Variants in AFF3 observed in about 807,000 individuals in gnomAD.
AFF3 encodes the protein ALF transcription elongation factor 3.
A neutral mutation model predicts 129.7 loss-of-function variants in AFF3; 32 were observed. The ratio of observed to expected loss-of-function variants is 0.25; its 90% CI spans 0.19 to 0.33. The LOEUF (loss-of-function observed/expected upper bound fraction) is 0.33. Among genes scored for constraint, AFF3 ranks in the 10% least tolerant of loss-of-function variants. The pLI, the probability that AFF3 is intolerant of heterozygous loss-of-function variation, is 1.00. For missense variants in AFF3, 1,373 were observed against 1,592.0 expected (o/e 0.86, Z 2.34); for synonymous variants, 644 against 635.4 (o/e 1.01, Z -0.20).
intron 24 of AFF3, among the ~76,000 whole-genome samples, chr2:99,553,674 G>A (rs901494517): frequency 2.4e-4 from 37 of 151,984 alleles, no homozygotes; most frequent in African/African-American, 8.7e-4. Flanking sequence ...AGTACTTTGG[G>A]AGGCTGAGGC....
chr2:99,829,878 C>A (rs548009606), intron 8 of AFF3, among the ~76,000 whole-genome samples: 1 of 152,264 alleles, frequency 6.6e-6, no homozygotes, highest in African/African-American at 2.4e-5. Context: ...TTGGAACCAA[C>A]CCAAATGCTC....
chr2:99,699,679 C>T (rs1676650268), intron 11 of AFF3, among the ~76,000 whole-genome samples: 1 of 152,156 alleles, frequency 6.6e-6, no homozygotes, highest in African/African-American at 2.4e-5. Context: ...TCTCCCTGTC[C>T]CTCAATTCAC....
chr2:100,119,081 C>T (rs1691846947), intron 2 of AFF3, among the ~76,000 whole-genome samples: 1 of 152,218 alleles, frequency 6.6e-6, no homozygotes, highest in Admixed American at 6.5e-5. Flanking sequence ...GGATTACAGA[C>T]GTGAGCCACC....
chr2:99,841,293 T>C (rs1689300140), intron 7 of AFF3, among the ~76,000 whole-genome samples: 1 of 152,210 alleles, frequency 6.6e-6, no homozygotes, highest in Non-Finnish European at 1.5e-5. Flanking sequence ...AGATGCCCTA[T>C]TAGATACTTC....
intron 8 of AFF3, among the ~76,000 whole-genome samples, chr2:99,781,464 G>A (rs1181661345): frequency 1.3e-5 from 2 of 152,192 alleles, no homozygotes; most frequent in Admixed American, 1.3e-4. Flanking sequence ...TCTTAGGGCT[G>A]GGTCAGCAAA....
chr2:99,935,311 A>T (rs571292996), intron 7 of AFF3, among the ~76,000 whole-genome samples: 63 of 152,172 alleles, frequency 4.1e-4, no homozygotes, highest in Non-Finnish European at 7.2e-4. Flanking sequence ...TGGCCATGTC[A>T]CTTTCGGAAG....
intron 11 of AFF3, 45 bp from the exon 12 acceptor site, chr2:99,672,634 T>C (rs374835150): frequency 1.3e-6 from 2 of 1,581,450 alleles, no homozygotes; most frequent in South Asian, 1.1e-5. Flanking sequence ...AGATAGTTAG[T>C]GGATTCAGAA....
At chr2:100,033,793 T>C (rs1684699883) in intron 4 of AFF3, among the ~76,000 whole-genome samples, 1 of 152,130 alleles carries the variant, frequency 6.6e-6, no homozygotes, top group African/African-American at 2.4e-5. Flanking sequence ...AATACAATGT[T>C]CCACATAACT....
chr2:99,683,709 G>A (rs982298449), intron 11 of AFF3, among the ~76,000 whole-genome samples: 10 of 152,138 alleles, frequency 6.6e-5, no homozygotes, highest in African/African-American at 2.4e-4. Flanking sequence ...CCAAAGTGCT[G>A]GGATTATAGC....
intron 7 of AFF3, among the ~76,000 whole-genome samples, chr2:99,944,851 A>G (rs1378021969): frequency 6.6e-6 from 1 of 152,256 alleles, no homozygotes; most frequent in African/African-American, 2.4e-5. Flanking sequence ...AATCTAAAAT[A>G]TATATTGTCT....
chr2:100,019,304 AC>A (rs1429550895), intron 4 of AFF3, among the ~76,000 whole-genome samples: 28 of 152,362 alleles, frequency 1.8e-4, no homozygotes, highest in Admixed American at 1.6e-3. Flanking sequence ...ACTAAGAGTC[AC>A]CTTGAACTAC....
intron 11 of AFF3, among the ~76,000 whole-genome samples, chr2:99,692,134 T>TGGCTGC (rs1675729178): frequency 6.6e-6 from 1 of 152,186 alleles, no homozygotes; most frequent in African/African-American, 2.4e-5. Flanking sequence ...AGGGTGGGTG[T>TGGCTGC]GGCTGCCTCT....
chr2:99,747,015 T>C (rs1215914855), intron 9 of AFF3, among the ~76,000 whole-genome samples: 1 of 151,488 alleles, frequency 6.6e-6, no homozygotes, highest in Non-Finnish European at 1.5e-5. Flanking sequence ...ACACAAAATA[T>C]AATTATTTTA....
At chr2:99,836,920 A>C (rs1391219589) in intron 8 of AFF3, among the ~76,000 whole-genome samples, 1 of 152,198 alleles carries the variant, frequency 6.6e-6, no homozygotes, top group African/African-American at 2.4e-5. Context: ...GCCCAACCTA[A>C]GTCAATCTGG....
chr2:99,763,701 T>C (rs764342350), intron 8 of AFF3, among the ~76,000 whole-genome samples: 4 of 152,268 alleles, frequency 2.6e-5, no homozygotes, highest in Admixed American at 6.5e-5. Flanking sequence ...GAAACCAAAA[T>C]TGCAACTGAT....
intron 13 of AFF3, among the ~76,000 whole-genome samples, chr2:99,612,780 A>G (rs1276949502): frequency 6.6e-6 from 1 of 152,184 alleles, no homozygotes; most frequent in East Asian, 1.9e-4. Context: ...CTGTGGGAGC[A>G]CCTCTGCCTC....
chr2:99,593,560 A>C lies in AFF3; in HGVS notation c.2101T>G (p.Ser701Ala), dbSNP rs745720488. The change falls in exon 15 of 25, where the codon TCC becomes GCC. Residue 701 changes from serine (S) to alanine (A), a missense_variant. Transcript: ENST00000672756. The stretch of plus-strand genomic sequence containing the variant: ...TTCAGCCTCTGATCATTCCCGGAGG[A>C]GGCAGAGGCAGCCACGGTCTGTGCT... ...SKAQTVAASA[S>A]SGNDQRLKEA... The C allele has an allele frequency of 3.1e-6, 5 of 1,613,036 alleles. No homozygotes were observed. The highest frequency in any genetic ancestry group is 4.2e-6 in the Non-Finnish European group (5 of 1,179,890).
At chr2:99,955,437 A>T (rs927070162) in intron 7 of AFF3, among the ~76,000 whole-genome samples, 5 of 152,180 alleles carry the variant, frequency 3.3e-5, no homozygotes, top group African/African-American at 1.2e-4. Context: ...CCTCCAAAAA[A>T]TTCTTATGAT....
At chr2:99,696,790 C>T (rs1298407625) in intron 11 of AFF3, among the ~76,000 whole-genome samples, 1 of 152,128 alleles carries the variant, frequency 6.6e-6, no homozygotes, top group Non-Finnish European at 1.5e-5. Flanking sequence ...ACTACAGGCA[C>T]GCGCCACCAT....
Sources: allele counts gnomAD v4.1 joint callset (sites outside exome capture counted in the v4.1 genomes callset), GRCh38; gene constraint gnomAD v4.1.1; transcripts MANE v1.5; gene names NCBI Gene and HGNC (gene_info 2026-07-23, HGNC 2026-07-21).